The following KIF5C variants were observed in gnomAD, a reference collection of about 807,000 sequenced individuals.
The protein encoded by KIF5C is kinesin heavy chain isoform 5C.
In KIF5C, 18 loss-of-function variants were observed where a neutral mutation model predicts 125.2. The ratio of observed to expected loss-of-function variants is 0.14; its 90% CI spans 0.10 to 0.21. The LOEUF is 0.21. Ranked by LOEUF, KIF5C falls within the 10% of genes least tolerant of loss-of-function variation. The pLI is 1.00. For synonymous variants in KIF5C, 405 were observed against 434.0 expected (o/e 0.93, Z 0.83); for missense variants, 780 against 1,183.8 (o/e 0.66, Z 5.01).
chr2:148,976,227 G>C (rs565153043), intron 12 of KIF5C, among the ~76,000 whole-genome samples: 4 of 147,456 alleles, frequency 2.7e-5, no homozygotes, highest in Non-Finnish European at 4.5e-5. Flanking sequence ...CATTTATAAG[G>C]GTGTGCATAT....
At position 149,025,884 on chromosome 2, in the gene KIF5C, A is replaced by G. The variant is rs1682675222; in HGVS notation, c.*2814A>G. 1 of 152,684 alleles carries G rather than the reference A, an allele frequency of 6.5e-6. No homozygotes were observed. The highest frequency in any genetic ancestry group is 6.5e-5 in the Admixed American group (1 of 15,288). 9.5% of individuals were successfully genotyped at this position (152,684 alleles called of 1,614,324 possible). A position where few individuals can be genotyped will look rare whatever the true frequency, so the allele number is the denominator to read the frequency against. On this transcript the variant is annotated 3_prime_UTR_variant, in exon 26 of 26. Coordinates refer to ENST00000435030, the MANE Select transcript of KIF5C (RefSeq NM_004522.3). ...ACTTTGCTTTTGTTAAACAGCAGGTAGTAGACAGAACAATAACAGTTTCGC... is the reference window on the plus strand; with the variant it reads ...ACTTTGCTTTTGTTAAACAGCAGGTGGTAGACAGAACAATAACAGTTTCGC...
At position 148,962,062 on chromosome 2, in the gene KIF5C, A is replaced by C. The variant is rs769012523; in HGVS notation, c.1060A>C (p.Lys354Gln). 1 of 1,613,906 alleles carries C rather than the reference A, an allele frequency of 6.2e-7. No homozygotes were observed. Among genetic ancestry groups the C allele is most frequent in the Admixed American group, 1.7e-5 (1 of 60,016 alleles). The change falls in exon 11 of 26, where the codon AAG (lysine) becomes CAG (glutamine). Residue 354 changes from lysine (K) to glutamine (Q), a missense_variant. Physicochemically the swap from Lys to Gln is moderately conservative, Grantham distance 53. Coordinates refer to ENST00000435030, the MANE Select transcript of KIF5C (RefSeq NM_004522.3). Reference sequence around the variant, plus strand: ...ATATGAAAAAGAGAAAGAGAAAAACAAGACTTTGAAGAATGTTATCCAGCA... The same window carrying C: ...ATATGAAAAAGAGAAAGAGAAAAACCAGACTTTGAAGAATGTTATCCAGCA... ...KKYEKEKEKN[K>Q]TLKNVIQHLE...
chr2:149,006,583 G>A (rs779856977), intron 22 of KIF5C, among the ~76,000 whole-genome samples: 41 of 152,264 alleles, frequency 2.7e-4, no homozygotes, highest in Non-Finnish European at 4.0e-4. Flanking sequence ...TTGCTGAGCA[G>A]TGGTGTTGGT....
rs781358181 is a variant in KIF5C at position 148,876,420 on chromosome 2, C to G, written c.126+677C>G. ...TGGATGTGGAGTCCCGGCTTGATCC[C>G]TCCCCTCTGGGATGACCTCCCTCCC... On this transcript the variant is annotated intron_variant, in intron 1 of 25. Transcript: ENST00000435030. This position sits in a 1 kb window ranked among gnomAD's most constrained non-coding sequence, Gnocchi z 4.7. Among the ~76,000 whole-genome samples the G allele has an allele frequency of 5.3e-5, 8 of 152,140 alleles. No individual in the cohort carries two copies. Among genetic ancestry groups the G allele is most frequent in the South Asian group, 2.1e-4 (1 of 4,830 alleles).
chr2:148,997,063 T>C (rs1158734593), intron 17 of KIF5C, among the ~76,000 whole-genome samples: 1 of 152,226 alleles, frequency 6.6e-6, no homozygotes, highest in African/African-American at 2.4e-5. Context: ...CGCTCCCCCG[T>C]GGAAGGAATG....
intron 1 of KIF5C, among the ~76,000 whole-genome samples, chr2:148,893,750 G>T (rs544537624): frequency 2.2e-4 from 33 of 152,318 alleles, no homozygotes; most frequent in African/African-American, 7.7e-4. Flanking sequence ...ATGAATGAAT[G>T]AATGAATGAA....
chr2:148,996,444 C>T (rs1023562681), intron 17 of KIF5C, among the ~76,000 whole-genome samples: 1 of 152,214 alleles, frequency 6.6e-6, no homozygotes, highest in South Asian at 2.1e-4. Flanking sequence ...TCATGTTTCT[C>T]TCTTGCATCC....
intron 15 of KIF5C, among the ~76,000 whole-genome samples, chr2:148,988,169 A>G (rs565626800): frequency 6.7e-6 from 1 of 149,538 alleles, no homozygotes; most frequent in Non-Finnish European, 1.5e-5. Context: ...TTTTTTTTTT[A>G]AATAACAGTG....
At chr2:148,953,312 CA>C (rs1446065762) in intron 10 of KIF5C, among the ~76,000 whole-genome samples, 2 of 152,160 alleles carry the variant, frequency 1.3e-5, no homozygotes, top group East Asian at 3.9e-4. Flanking sequence ...CCATTACGTC[CA>C]GAAGTTTGGT....
At chr2:148,912,988 G>A (rs1681401445) in intron 1 of KIF5C, among the ~76,000 whole-genome samples, 1 of 152,216 alleles carries the variant, frequency 6.6e-6, no homozygotes, top group South Asian at 2.1e-4. Context: ...ATGTTTGAAT[G>A]GGAGTGGCAT....
At chr2:148,912,057 C>A (rs1331087172) in intron 1 of KIF5C, among the ~76,000 whole-genome samples, 1 of 152,162 alleles carries the variant, frequency 6.6e-6, no homozygotes, top group Non-Finnish European at 1.5e-5. Context: ...ACTAACGAAT[C>A]TGATAAGCTA....
At chr2:148,964,073 C>T (rs1378347463) in intron 11 of KIF5C, among the ~76,000 whole-genome samples, 2 of 152,068 alleles carry the variant, frequency 1.3e-5, no homozygotes, top group Middle Eastern at 3.2e-3. Flanking sequence ...GTCGGGAGTT[C>T]GAGACCCGCC....
chr2:148,918,178 G>A (rs1681635766), intron 1 of KIF5C, among the ~76,000 whole-genome samples: 1 of 152,138 alleles, frequency 6.6e-6, no homozygotes, highest in African/African-American at 2.4e-5. Context: ...ATGTGATCCT[G>A]GTAAATTATT....
intron 2 of KIF5C, among the ~76,000 whole-genome samples, chr2:148,922,902 G>C (rs1490671206): frequency 6.6e-6 from 1 of 152,188 alleles, no homozygotes; most frequent in Non-Finnish European, 1.5e-5. Flanking sequence ...CATTGGCCCT[G>C]GAGGATTCAT....
chr2:148,885,141 A>G (rs1681480521), intron 1 of KIF5C, among the ~76,000 whole-genome samples: 1 of 152,006 alleles, frequency 6.6e-6, no homozygotes, highest in Admixed American at 6.5e-5. Context: ...GCGTGCCATC[A>G]TGCTTGACTA....
intron 23 of KIF5C, among the ~76,000 whole-genome samples, chr2:149,008,991 G>GT (rs200099380): frequency 0.031 from 4,115 of 134,306 alleles, 78 homozygotes; most frequent in Middle Eastern, 0.049. Flanking sequence ...TTTTTTTAAT[G>GT]TTTTTTTTTT....
intron 2 of KIF5C, among the ~76,000 whole-genome samples, chr2:148,923,301 A>G (rs979906521): frequency 3.9e-5 from 6 of 152,192 alleles, no homozygotes; most frequent in African/African-American, 1.4e-4. Context: ...CCTGTGTGGG[A>G]GATGCATGTC....
chr2:149,003,097 C>T (rs1018655588), intron 21 of KIF5C, among the ~76,000 whole-genome samples: 10 of 152,226 alleles, frequency 6.6e-5, no homozygotes, highest in Non-Finnish European at 1.3e-4. Context: ...CACCCACACG[C>T]ATCAAATGCA....
intron 1 of KIF5C, among the ~76,000 whole-genome samples, chr2:148,887,092 G>A (rs1191954806): frequency 6.6e-6 from 1 of 151,788 alleles, no homozygotes; most frequent in Non-Finnish European, 1.5e-5. Context: ...ATAAGCAGTA[G>A]GTATAAAATA....
Sources: allele counts gnomAD v4.1 joint callset (sites outside exome capture counted in the v4.1 genomes callset), GRCh38; gene constraint gnomAD v4.1.1; non-coding constraint Gnocchi (gnomAD v3.1); transcripts MANE v1.5; gene names NCBI Gene and HGNC (gene_info 2026-07-23, HGNC 2026-07-21).